Variants in GXYLT2 observed in about 807,000 individuals in gnomAD.
The protein encoded by GXYLT2 is glycosyltransferase 8 domain containing 4.
Under a neutral mutation model 45.8 loss-of-function variants are expected in GXYLT2, and 53 were observed. The observed-to-expected ratio is 1.16, with a 90% CI of 0.93 to 1.46. The LOEUF is 1.46. Among genes scored for constraint, GXYLT2 ranks in the 40% most tolerant of loss-of-function variants. The probability of loss-of-function intolerance (pLI) is 0.00; values close to 1 mark genes in which losing one functional copy is unlikely to be tolerated. For missense variants in GXYLT2, 551 were observed against 544.4 expected (o/e 1.01, Z -0.12); for synonymous variants, 219 against 214.2 (o/e 1.02, Z -0.19).
At position 72,975,177 on chromosome 3, in the gene GXYLT2, A is replaced by T; in HGVS notation, c.*18A>T. The stretch of plus-strand genomic sequence containing the variant: ...TGCACTGAATATTTTGTCTTGTTGC[A>T]AGTCAATTAGGTGTCTTGTGACCAA... On this transcript the variant is annotated 3_prime_UTR_variant, in exon 7 of 7. Coordinates refer to ENST00000389617, the MANE Select transcript of GXYLT2 (RefSeq NM_001080393.2). 1 of 1,597,412 alleles carries T rather than the reference A, an allele frequency of 6.3e-7. No individual in the cohort carries two copies. The highest frequency in any genetic ancestry group is 8.6e-7 in the Non-Finnish European group (1 of 1,167,790).
chr3:72,942,751 TAA>T (rs765539351), intron 3 of GXYLT2, among the ~76,000 whole-genome samples: 28 of 108,188 alleles, frequency 2.6e-4, no homozygotes, highest in Non-Finnish European at 3.0e-4. Context: ...GTCCAGGTTA[TAA>T]AAAAAAAAAA....
intron 2 of GXYLT2, among the ~76,000 whole-genome samples, chr3:72,914,572 T>C (rs1709699130): frequency 6.6e-6 from 1 of 152,002 alleles, no homozygotes; most frequent in East Asian, 1.9e-4. Flanking sequence ...CGTGCGCATG[T>C]ATATGCGCGT....
intron 3 of GXYLT2, among the ~76,000 whole-genome samples, chr3:72,933,412 TGAAGAGTCATTATATTTCTTAC>T (rs1710082110): frequency 6.6e-6 from 1 of 152,226 alleles, no homozygotes; most frequent in African/African-American, 2.4e-5. Context: ...GTTCTACAAC[TGAAGAGTCATTATATTTCTTAC>T]GAAGCCTAGT....
chr3:72,914,912 G>A (rs916707827), intron 2 of GXYLT2, among the ~76,000 whole-genome samples: 2 of 152,070 alleles, frequency 1.3e-5, no homozygotes. Context: ...TGGGCCAGAC[G>A]CAGTGGCTCA....
chr3:72,919,342 A>ATTTT (rs1432871757), intron 2 of GXYLT2, among the ~76,000 whole-genome samples: 4 of 152,148 alleles, frequency 2.6e-5, no homozygotes, highest in African/African-American at 9.7e-5. Flanking sequence ...ACAAAAAGAC[A>ATTTT]TGTAGGAGAC....
chr3:72,922,203 G>A lies in GXYLT2; in HGVS notation c.469-1G>A. The stretch of plus-strand genomic sequence containing the variant: ...CTTCCCTTGCTTCCCATGTTTTTCA[G>A]TTACGCCAGTGGCCTGACTCATATA... On this transcript the variant is annotated splice_acceptor_variant, in intron 2 of 6. Transcript: ENST00000389617. LOFTEE classifies it high-confidence loss of function. The A allele has an allele frequency of 6.2e-7, 1 of 1,611,366 alleles. No homozygotes were observed. Among genetic ancestry groups the A allele is most frequent in the East Asian group, 2.2e-5 (1 of 44,806 alleles).
chr3:72,946,276 GAAAAAAA>G (rs57450041), intron 3 of GXYLT2, among the ~76,000 whole-genome samples: 1 of 59,444 alleles, frequency 1.7e-5, no homozygotes, highest in African/African-American at 5.0e-5. Context: ...GACCCTGTCT[GAAAAAAA>G]AAAAAAAAAA....
rs1289013713 is a variant in GXYLT2 at position 72,888,391 on chromosome 3, G to T, written c.158G>T (p.Arg53Leu). ...PQRHPAPVPA[R>L]WPGPGALPGA... ...CGCCACCCCGCGCCTGTCCCCGCGC[G>T]CTGGCCGGGGCCGGGCGCCCTCCCC... Residue 53 changes from arginine to leucine, a missense_variant, in exon 1 of 7, where the codon CGC becomes CTC. Physicochemically the swap from Arg to Leu is moderately radical, Grantham distance 102 (BLOSUM62 -2). Transcript: ENST00000389617. 1.0e-6 allele frequency: 1 copy of T among 992,586 alleles called. No individual in the cohort carries two copies. The highest frequency in any genetic ancestry group is 1.8e-5 in the African/African-American group (1 of 56,850). The allele number at this position is 992,586 out of a possible 1,614,324, so 61.5% of individuals were successfully genotyped here.
chr3:72,955,427 T>C (rs1162877781), intron 4 of GXYLT2, 78 bp downstream of exon 4: 2 of 1,465,928 alleles, frequency 1.4e-6, no homozygotes, highest in Non-Finnish European at 1.9e-6. Flanking sequence ...AGAGTGTCAA[T>C]ATGCTGATTT....
intron 3 of GXYLT2, among the ~76,000 whole-genome samples, chr3:72,946,346 A>G (rs560719896): frequency 6.0e-4 from 91 of 151,976 alleles, no homozygotes; most frequent in African/African-American, 2.1e-3. Flanking sequence ...TATCATCTTA[A>G]TGAACTTAGG....
chr3:72,961,014 A>G (rs998347793), intron 5 of GXYLT2, among the ~76,000 whole-genome samples: 4 of 152,234 alleles, frequency 2.6e-5, no homozygotes, highest in South Asian at 4.1e-4. Context: ...TTTAAAAGTC[A>G]TTAGCTAGAA....
At chr3:72,948,290 C>T (rs1710449879) in intron 3 of GXYLT2, among the ~76,000 whole-genome samples, 2 of 152,170 alleles carry the variant, frequency 1.3e-5, no homozygotes, top group South Asian at 4.1e-4. Flanking sequence ...TAGACTACTC[C>T]TCCCAGCAAC....
At chr3:72,951,897 A>G (rs1330997096) in intron 3 of GXYLT2, among the ~76,000 whole-genome samples, 1 of 151,110 alleles carries the variant, frequency 6.6e-6, no homozygotes, top group East Asian at 2.0e-4. Flanking sequence ...GCTGCAGTGC[A>G]GTGGCACAAT....
In GXYLT2 at chr3:72,892,055, A is replaced by C. The variant is rs151258345; in HGVS notation, c.275+3547A>C. ...ACTGCTAATCAGTGCAATATTGAAA[A>C]GAATTTGGCATGTGGAGTCCAGCAA... On this transcript the variant is annotated intron_variant, in intron 1 of 6. Coordinates refer to ENST00000389617, the MANE Select transcript of GXYLT2 (RefSeq NM_001080393.2). Among the ~76,000 whole-genome samples the C allele has an allele frequency of 5.9e-3, 905 of 152,360 alleles. 12 individuals carry two copies. Among genetic ancestry groups the C allele is most frequent in the African/African-American group, 0.02 (849 of 41,578 alleles).
chr3:72,929,008 G>T, intron 3 of GXYLT2: 1 of 1,291,886 alleles, frequency 7.7e-7, no homozygotes, highest in Non-Finnish European at 1.1e-6. Context: ...CTCCAGCGCC[G>T]CGCAGCCACC....
chr3:72,951,411 C>T (rs1049586242), intron 3 of GXYLT2, among the ~76,000 whole-genome samples: 5 of 151,956 alleles, frequency 3.3e-5, no homozygotes, highest in African/African-American at 7.3e-5. Flanking sequence ...ATTTTAAAAG[C>T]GAAAACACAG....
chr3:72,943,953 G>A (rs1710350812), intron 3 of GXYLT2, among the ~76,000 whole-genome samples: 2 of 151,982 alleles, frequency 1.3e-5, no homozygotes, highest in Non-Finnish European at 2.9e-5. Flanking sequence ...CAAAGTGCTG[G>A]GATTACAGGC....
chr3:72,897,502 G>A lies in GXYLT2; in HGVS notation c.275+8994G>A, dbSNP rs184803763. 7.9e-3 allele frequency among the ~76,000 whole-genome samples: 1,204 copies of A among 152,316 alleles called. 17 individuals are homozygous for A. Among genetic ancestry groups the A allele is most frequent in the African/African-American group, 0.028 (1,152 of 41,564 alleles). ...TGTTTCCAATCACCGATGGCTACAAGTGAAATGTGCTTACAGCTGGTGGGG... is the reference window on the plus strand; with the variant it reads ...TGTTTCCAATCACCGATGGCTACAAATGAAATGTGCTTACAGCTGGTGGGG... On this transcript the variant is annotated intron_variant, in intron 1 of 6. Coordinates refer to ENST00000389617, the MANE Select transcript of GXYLT2 (RefSeq NM_001080393.2).
At chr3:72,922,728 T>G (rs750382507) in intron 3 of GXYLT2, among the ~76,000 whole-genome samples, 12 of 152,240 alleles carry the variant, frequency 7.9e-5, no homozygotes, top group Non-Finnish European at 1.6e-4. Flanking sequence ...CAACTACTAG[T>G]TATGGCCATA....
Sources: gnomAD v4.1 joint callset for allele counts (sites outside exome capture counted in the v4.1 genomes callset) on GRCh38, gnomAD v4.1.1 for gene constraint, MANE v1.5 for transcripts, NCBI Gene and HGNC (gene_info 2026-07-23, HGNC 2026-07-21) for gene names.